Variants in GLIS3 observed in about 807,000 individuals in gnomAD.
The protein encoded by GLIS3 is zinc finger protein GLIS3.
GLIS3 carries 53 observed loss-of-function variants against 78.6 expected under a neutral mutation model. The observed-to-expected ratio is 0.67, with a 90% CI of 0.54 to 0.85. The LOEUF is 0.85. Among genes scored for constraint, GLIS3 ranks in the 40% least tolerant of loss-of-function variants. The pLI is 0.00. For missense variants in GLIS3, 1,703 were observed against 1,231.1 expected (o/e 1.38, Z -5.74); for synonymous variants, 684 against 509.9 (o/e 1.34, Z -4.60).
intron 2 of GLIS3, among the ~76,000 whole-genome samples, chr9:4,159,487 G>A (rs545103655): frequency 6.6e-6 from 1 of 152,206 alleles, no homozygotes; most frequent in African/African-American, 2.4e-5. Flanking sequence ...AGGAGCCCGA[G>A]GCAGGTGGAT....
At chr9:4,216,461 C>G (rs1210866384) in intron 2 of GLIS3, among the ~76,000 whole-genome samples, 1 of 128,932 alleles carries the variant, frequency 7.8e-6, no homozygotes, top group African/African-American at 3.0e-5. Flanking sequence ...GCCTGGGTGA[C>G]AGAGCGAGAC....
At chr9:4,068,833 CAT>C (rs1491303075) in intron 4 of GLIS3, among the ~76,000 whole-genome samples, 5 of 83,040 alleles carry the variant, frequency 6.0e-5, no homozygotes, top group East Asian at 7.2e-4. Flanking sequence ...TGCATGTATG[CAT>C]GTGTGTGTGT....
intron 2 of GLIS3, among the ~76,000 whole-genome samples, chr9:4,131,358 T>A (rs1832957820): frequency 6.6e-6 from 1 of 152,042 alleles, no homozygotes; most frequent in African/African-American, 2.4e-5. Flanking sequence ...GGGGTCAGGG[T>A]GATATAATAT....
chr9:4,385,665 C>CA, the GLIS3 span, among the ~76,000 whole-genome samples: 14 of 75,296 alleles, frequency 1.9e-4, 2 homozygotes, highest in East Asian at 1.3e-3. Context: ...AACTCCATCT[C>CA]AAAAAAAAAA....
intron 7 of GLIS3, among the ~76,000 whole-genome samples, chr9:3,884,351 G>GT (rs2130498964): frequency 6.6e-6 from 1 of 152,276 alleles, no homozygotes; most frequent in East Asian, 1.9e-4. Flanking sequence ...TGGTAACTGT[G>GT]TTTTCATCAC....
At chr9:4,038,333 G>A (rs1824506336) in intron 4 of GLIS3, among the ~76,000 whole-genome samples, 1 of 152,200 alleles carries the variant, frequency 6.6e-6, no homozygotes. Context: ...GACACAGAGG[G>A]AAACCTCTAA....
the GLIS3 span, among the ~76,000 whole-genome samples, chr9:4,467,101 C>T: frequency 1.3e-5 from 2 of 152,204 alleles, no homozygotes; most frequent in Admixed American, 6.5e-5. Flanking sequence ...TCTGCCATTG[C>T]TGACGCTTGA....
At chr9:4,444,944 TA>T in the GLIS3 span, among the ~76,000 whole-genome samples, 1 of 152,244 alleles carries the variant, frequency 6.6e-6, no homozygotes, top group African/African-American at 2.4e-5. Context: ...ACATGAGGGT[TA>T]AAAAATATAC....
At chr9:3,893,697 C>G (rs1330039691) in intron 7 of GLIS3, among the ~76,000 whole-genome samples, 1 of 152,138 alleles carries the variant, frequency 6.6e-6, no homozygotes, top group Admixed American at 6.6e-5. Flanking sequence ...AACATTTGAC[C>G]AGCAGCAGCA....
chr9:4,195,465 C>T (rs1025844079), intron 2 of GLIS3, among the ~76,000 whole-genome samples: 6 of 152,200 alleles, frequency 3.9e-5, no homozygotes, highest in Admixed American at 6.5e-5. Flanking sequence ...GAGGGGATGC[C>T]GGGTCCCCCA....
At chr9:4,445,343 C>T in the GLIS3 span, among the ~76,000 whole-genome samples, 2 of 152,126 alleles carry the variant, frequency 1.3e-5, no homozygotes, top group African/African-American at 4.8e-5. Flanking sequence ...TAAATTCGTC[C>T]AGGCCAGGTG....
chr9:4,256,390 C>A lies in GLIS3; in HGVS notation c.388+29648G>T, dbSNP rs182920344. On this transcript the variant is annotated intron_variant, in intron 2 of 10. Coordinates refer to ENST00000381971, the MANE Select transcript of GLIS3 (RefSeq NM_001042413.2). ...ATAAGCTAAGAAAATACCTGGACAA[C>A]TTTAGTAACAATCAATGAAATCCAA... 2.6e-5 allele frequency among the ~76,000 whole-genome samples: 4 copies of A among 152,214 alleles called. No homozygotes were observed. In the East Asian group the frequency reaches 7.7e-4, roughly 29 times the overall value.
In GLIS3 at chr9:4,046,716, C is replaced by T. The variant is rs190478560; in HGVS notation, c.1710+71052G>A. 6.4e-3 allele frequency among the ~76,000 whole-genome samples: 972 copies of T among 152,182 alleles called. 9 individuals are homozygous for T. The highest frequency in any genetic ancestry group is 0.015 in the African/African-American group (615 of 41,524). On this transcript the variant is annotated intron_variant, in intron 4 of 10. Transcript: ENST00000381971. ...CATTCACTGGAATATATTTAGAGTT[C>T]CTCTACCAGGATAATGCAGGAACTC...
chr9:4,403,160 G>C, the GLIS3 span, among the ~76,000 whole-genome samples: 1 of 152,226 alleles, frequency 6.6e-6, no homozygotes, highest in South Asian at 2.1e-4. Context: ...GGAAAGAATG[G>C]CATGACATAT....
chr9:4,163,318 C>G (rs1031945421), intron 2 of GLIS3, among the ~76,000 whole-genome samples: 1 of 152,198 alleles, frequency 6.6e-6, no homozygotes, highest in Non-Finnish European at 1.5e-5. Context: ...ATTTAATTTA[C>G]CTATGTCTGA....
chr9:4,456,018 G>C, the GLIS3 span, among the ~76,000 whole-genome samples: 3 of 152,110 alleles, frequency 2.0e-5, no homozygotes, highest in Non-Finnish European at 2.9e-5. Flanking sequence ...TGAGGCAGGA[G>C]AATGGCTCGA....
rs1554665966 is a variant in GLIS3, at chr9:3,987,784, A to AAAAAAAAAAAAAAAAAAC, written c.1711-50596_1711-50595insGTTTTTTTTTTTTTTTTT. ...GGCAAAAAAAAAAAAAAAAAAAAAA[A>AAAAAAAAAAAAAAAAAAC]AAAACAAAACACAAACATAAACCTA... On this transcript the variant is annotated intron_variant, in intron 4 of 10. Transcript: ENST00000381971. 2.9e-5 allele frequency among the ~76,000 whole-genome samples: 2 copies of AAAAAAAAAAAAAAAAAAC among 69,546 alleles called. 1 individual carries two copies. Among genetic ancestry groups the AAAAAAAAAAAAAAAAAAC allele is most frequent in the Admixed American group, 3.8e-4 (2 of 5,242 alleles). 45.6% of individuals were successfully genotyped at this position (69,546 alleles called of 152,430 possible).
chr9:4,024,206 G>A (rs970194344), intron 4 of GLIS3, among the ~76,000 whole-genome samples: 2 of 152,128 alleles, frequency 1.3e-5, no homozygotes, highest in African/African-American at 4.8e-5. Context: ...TCTGTCTGCA[G>A]GTGTTCAGAC....
At chr9:3,907,073 C>T (rs1261122559) in intron 6 of GLIS3, among the ~76,000 whole-genome samples, 1 of 152,180 alleles carries the variant, frequency 6.6e-6, no homozygotes, top group African/African-American at 2.4e-5. Context: ...TTCAACACTC[C>T]CCTGACCAGA....
Sources: allele counts gnomAD v4.1 joint callset (sites outside exome capture counted in the v4.1 genomes callset), GRCh38; gene constraint gnomAD v4.1.1; transcripts MANE v1.5; gene names NCBI Gene and HGNC (gene_info 2026-07-23, HGNC 2026-07-21).